Variants in DIABLO observed in about 807,000 individuals in gnomAD.
The protein encoded by DIABLO is diablo homolog, mitochondrial.
In DIABLO, 32 loss-of-function variants were observed where a neutral mutation model predicts 31.7. That is an observed-to-expected ratio of 1.01 (90% CI 0.76 to 1.35). The LOEUF (loss-of-function observed/expected upper bound fraction) is 1.35, where lower values mean the gene tolerates loss of function less well. DIABLO is among the 40% of genes most tolerant of loss of function. The pLI, the probability that DIABLO is intolerant of heterozygous loss-of-function variation, is 0.00. For synonymous variants in DIABLO, 132 were observed against 103.2 expected, an observed-to-expected ratio of 1.28 and a Z score of -1.69; for missense variants, 316 against 286.4, an observed-to-expected ratio of 1.10 and a Z score of -0.75.
intron 5 of DIABLO, among the ~76,000 whole-genome samples, chr12:122,212,516 T>C (rs999888104): frequency 1.3e-5 from 2 of 152,216 alleles, no homozygotes; most frequent in African/African-American, 4.8e-5. Flanking sequence ...AGATGCCTGA[T>C]GTTTGATTCT....
chr12:122,214,520 G>C (rs937874321), intron 5 of DIABLO, among the ~76,000 whole-genome samples: 1 of 152,050 alleles, frequency 6.6e-6, no homozygotes, highest in Non-Finnish European at 1.5e-5. Flanking sequence ...TGAGCTCCTG[G>C]GTTCAAGCAA....
chr12:122,226,814 C>T (rs920568805), upstream of DIABLO, among the ~76,000 whole-genome samples: 1 of 152,262 alleles, frequency 6.6e-6, no homozygotes, highest in East Asian at 1.9e-4. Context: ...CCGGCTCTTC[C>T]CCGCGCCCCG....
chr12:122,216,797 C>G lies in DIABLO; in HGVS notation c.388G>C (p.Asp130His). Residue 130 changes from aspartate (D) to histidine (H), a missense_variant, in exon 4 of 6, where the codon GAT becomes CAT. Coordinates refer to ENST00000464942, the MANE Select transcript of DIABLO (RefSeq NM_001371333.1). The stretch of plus-strand genomic sequence containing the variant: ...CCTATGATCACCTGCCACACTTCAT[C>G]TTCCTCCTCTGAATTCATTTTCCCA... ...LLGKMNSEEE[D>H]EVWQVIIGAR... is the part of the protein sequence containing the mutation. 6.2e-7 allele frequency: 1 copy of G among 1,614,200 alleles called. No individual in the cohort carries two copies. The highest frequency in any genetic ancestry group is 8.5e-7 in the Non-Finnish European group (1 of 1,180,034).
At chr12:122,214,573 G>A (rs1380402505) in intron 5 of DIABLO, among the ~76,000 whole-genome samples, 1 of 152,132 alleles carries the variant, frequency 6.6e-6, no homozygotes, top group Non-Finnish European at 1.5e-5. Context: ...CTACAGGCGA[G>A]CGCCAATACG....
At chr12:122,210,052 G>GA (rs1308630361) in intron 5 of DIABLO, among the ~76,000 whole-genome samples, 1 of 152,118 alleles carries the variant, frequency 6.6e-6, no homozygotes, top group Middle Eastern at 3.2e-3. Context: ...TGTTTGAGAA[G>GA]GAGTCTCACT....
upstream of DIABLO, among the ~76,000 whole-genome samples, chr12:122,226,808 C>T (rs1954489482): frequency 1.3e-5 from 2 of 152,260 alleles, no homozygotes; most frequent in South Asian, 4.1e-4. Flanking sequence ...AGAAGCCCGG[C>T]TCTTCCCCGC....
chr12:122,217,522 TTTA>T (rs895461542), intron 3 of DIABLO: 47 of 153,858 alleles, frequency 3.1e-4, no homozygotes, highest in East Asian at 1.5e-3. Context: ...AAAAAAAAAA[TTTA>T]TTATTTTTTA....
At position 122,207,987 on chromosome 12, in the gene DIABLO, G is replaced by T. The variant is rs1430089479; in HGVS notation, c.*394C>A. Reference sequence around the variant, plus strand: ...GCCACAACTGGCATCCCAACAGAGGGAACAAGTACTAAATCATTTTTGACG... The same window carrying T: ...GCCACAACTGGCATCCCAACAGAGGTAACAAGTACTAAATCATTTTTGACG... On this transcript the variant is annotated 3_prime_UTR_variant, in exon 6 of 6. Transcript: ENST00000464942. 2.1e-6 allele frequency: 1 copy of T among 473,426 alleles called. No homozygotes were observed. Among genetic ancestry groups the T allele is most frequent in the South Asian group, 1.5e-5 (1 of 64,644 alleles). The allele number at this position is 473,426 out of a possible 1,614,324, so 29.3% of individuals were successfully genotyped here.
intron 5 of DIABLO, among the ~76,000 whole-genome samples, chr12:122,212,940 A>G (rs980996355): frequency 2.0e-5 from 3 of 151,498 alleles, no homozygotes; most frequent in African/African-American, 7.3e-5. Flanking sequence ...TTTGTTTTTA[A>G]GACAGGGTCT....
At chr12:122,208,606 G>A (rs368077506) in intron 5 of DIABLO, 29 bp from the exon 6 acceptor site, 121 of 1,606,098 alleles carry the variant, frequency 7.5e-5, no homozygotes, top group Non-Finnish European at 9.6e-5. Context: ...ATCGGGTTGA[G>A]CAGCCGTGCA....
intron 5 of DIABLO, chr12:122,209,660 TC>T: frequency 5.9e-6 from 4 of 677,384 alleles, no homozygotes; most frequent in South Asian, 1.5e-5. Context: ...GAAACTCGTC[TC>T]CCCCCCAAAA....
At chr12:122,216,093 A>G (rs1954206018) in intron 5 of DIABLO, among the ~76,000 whole-genome samples, 1 of 152,074 alleles carries the variant, frequency 6.6e-6, no homozygotes, top group African/African-American at 2.4e-5. Context: ...TCCAGGTCTC[A>G]TTTTCTCCAT....
chr12:122,214,081 TCAAAAAAACAAACAAA>T (rs1171523096), intron 5 of DIABLO, among the ~76,000 whole-genome samples: 7 of 152,154 alleles, frequency 4.6e-5, no homozygotes, highest in Non-Finnish European at 7.4e-5. Context: ...TGAGACTGTC[TCAAAAAAACAAACAAA>T]CAAAAAAACT....
intron 2 of DIABLO, chr12:122,221,468 TTG>T (rs1310782631): frequency 6.6e-6 from 1 of 152,144 alleles, no homozygotes; most frequent in Non-Finnish European, 1.5e-5. Flanking sequence ...GAGTATAGTG[TTG>T]TGATCCCAGC....
intron 3 of DIABLO, chr12:122,217,117 G>A (rs1479638457): frequency 4.4e-6 from 2 of 452,288 alleles, no homozygotes; most frequent in Admixed American, 3.5e-5. Context: ...AACAATGCAA[G>A]GGAAAACTTT....
chr12:122,225,479 C>T lies in DIABLO; in HGVS notation c.50+486G>A, dbSNP rs959574764. On this transcript the variant is annotated intron_variant, in intron 1 of 5. Transcript: ENST00000464942. ...CCTGCAGGCAGAATTTAGCTCTGGACCCCTGGCCTGGGTGCCAGTTGTGTG... is the reference window on the plus strand; with the variant it reads ...CCTGCAGGCAGAATTTAGCTCTGGATCCCTGGCCTGGGTGCCAGTTGTGTG... 14 of 1,024,264 alleles carry T rather than the reference C, an allele frequency of 1.4e-5. No homozygotes were observed. In the African/African-American group the frequency reaches 2.4e-4, roughly 18 times the overall value. 63.4% of individuals were successfully genotyped at this position (1,024,264 alleles called of 1,614,324 possible). A position where few individuals can be genotyped will look rare whatever the true frequency, so the allele number is the denominator to read the frequency against.
intron 5 of DIABLO, chr12:122,208,826 ACT>A (rs1268442272): frequency 8.3e-6 from 5 of 603,348 alleles, no homozygotes; most frequent in Admixed American, 4.3e-5. Context: ...ATTAAATGCA[ACT>A]CTCACAATCA....
intron 1 of DIABLO, chr12:122,225,549 G>A (rs1954441443): frequency 8.7e-7 from 1 of 1,152,258 alleles, no homozygotes; most frequent in Non-Finnish European, 1.1e-6. Context: ...GCGCTAGGTA[G>A]AGAGCCCTGC....
At chr12:122,220,417 G>A (rs1332427304) in intron 2 of DIABLO, 1 of 152,388 alleles carries the variant, frequency 6.6e-6, no homozygotes, top group Non-Finnish European at 1.5e-5. Flanking sequence ...CACTTTGGGA[G>A]GCTGAGGCGG....
Sources: gnomAD v4.1 joint callset for allele counts (sites outside exome capture counted in the v4.1 genomes callset) on GRCh38, gnomAD v4.1.1 for gene constraint, MANE v1.5 for transcripts, NCBI Gene and HGNC (gene_info 2026-07-23, HGNC 2026-07-21) for gene names.